Variants in CCDC138 observed in about 807,000 individuals in gnomAD.
CCDC138 encodes coiled-coil domain containing 138.
In CCDC138, 66 loss-of-function variants were observed where a neutral mutation model predicts 82.3. The observed-to-expected ratio is 0.80, with a 90% CI of 0.66 to 0.98. The LOEUF (loss-of-function observed/expected upper bound fraction) is 0.98, where lower values mean the gene tolerates loss of function less well. Among genes scored for constraint, CCDC138 ranks in the 50% least tolerant of loss-of-function variants. The pLI is 0.00. For missense variants in CCDC138, 816 were observed against 758.9 expected, an observed-to-expected ratio of 1.08 and a Z score of -0.88; for synonymous variants, 297 against 265.4, an observed-to-expected ratio of 1.12 and a Z score of -1.16.
At chr2:108,815,461 GT>G (rs35206784) in intron 9 of CCDC138, among the ~76,000 whole-genome samples, 2,451 of 70,728 alleles carry the variant, frequency 0.035, 15 homozygotes, top group African/African-American at 0.1. Context: ...GGTTTTTGGT[GT>G]TTTTTTTTTT....
chr2:108,795,763 G>C (rs1363241617), intron 5 of CCDC138, among the ~76,000 whole-genome samples: 1 of 152,132 alleles, frequency 6.6e-6, no homozygotes, highest in East Asian at 1.9e-4. Context: ...GAAATGAGAG[G>C]TGTTCTGAAA....
intron 13 of CCDC138, among the ~76,000 whole-genome samples, chr2:108,860,935 C>CT (rs70956282): frequency 0.11 from 4,296 of 37,700 alleles, 781 homozygotes; most frequent in African/African-American, 0.3. Context: ...TGGTCCAGGA[C>CT]TTTTTTTTTT....
chr2:108,840,871 G>A (rs547940108), intron 11 of CCDC138, among the ~76,000 whole-genome samples: 116 of 151,472 alleles, frequency 7.7e-4, no homozygotes, highest in Non-Finnish European at 1.4e-3. Context: ...GAATTCACTG[G>A]CACAGTCTCG....
chr2:108,858,042 TC>T (rs1692910816), intron 13 of CCDC138, among the ~76,000 whole-genome samples: 1 of 152,204 alleles, frequency 6.6e-6, no homozygotes, highest in African/African-American at 2.4e-5. Context: ...TTTACCATTG[TC>T]CAGGTTACTC....
At chr2:108,884,026 T>A (rs1327131932) in intron 2 of CCDC138, 1 of 152,240 alleles carries the variant, frequency 6.6e-6, no homozygotes, top group East Asian at 1.9e-4. Flanking sequence ...ACCTTAGCCA[T>A]CTCAGTAGCT....
chr2:108,820,677 G>A (rs1031257078), intron 10 of CCDC138, among the ~76,000 whole-genome samples: 2 of 147,820 alleles, frequency 1.4e-5, no homozygotes, highest in African/African-American at 5.0e-5. Flanking sequence ...CCAACAGGCA[G>A]TGGGATGATA....
At chr2:108,878,567 G>A (rs538248818), downstream of CCDC138, 5 of 196,788 alleles carry the variant, frequency 2.5e-5, no homozygotes, top group South Asian at 4.0e-4. Flanking sequence ...AGTCAGATAT[G>A]TTTTATCGGG....
intron 5 of CCDC138, among the ~76,000 whole-genome samples, chr2:108,798,034 A>C (rs977513196): frequency 6.6e-6 from 1 of 151,172 alleles, no homozygotes; most frequent in Non-Finnish European, 1.5e-5. Context: ...CAGTGTGCTA[A>C]TCTAGACCTC....
intron 1 of CCDC138, 125 bp from the exon 2 acceptor site, chr2:108,787,907 A>G (rs941311366): frequency 1.9e-4 from 150 of 806,912 alleles, no homozygotes; most frequent in Non-Finnish European, 2.6e-4. Flanking sequence ...TCACTTGGTT[A>G]AGATGGTGTC....
intron 10 of CCDC138, among the ~76,000 whole-genome samples, chr2:108,833,378 A>G (rs747057357): frequency 9.2e-5 from 14 of 152,236 alleles, no homozygotes; most frequent in Non-Finnish European, 1.9e-4. Flanking sequence ...CTTCCTGCTC[A>G]GTACACTCAG....
chr2:108,867,796 C>T (rs1694646148), intron 13 of CCDC138, among the ~76,000 whole-genome samples: 2 of 152,100 alleles, frequency 1.3e-5, no homozygotes, highest in Admixed American at 6.5e-5. Context: ...TTGAATGTTG[C>T]TGTGTTATGT....
At chr2:108,871,548 G>A (rs1160841688) in intron 13 of CCDC138, among the ~76,000 whole-genome samples, 5 of 151,768 alleles carry the variant, frequency 3.3e-5, no homozygotes, top group Non-Finnish European at 5.9e-5. Flanking sequence ...CAAGACTTTA[G>A]CTCCAAAAAA....
At chr2:108,872,240 C>T (rs1047793489) in intron 13 of CCDC138, among the ~76,000 whole-genome samples, 2 of 152,172 alleles carry the variant, frequency 1.3e-5, no homozygotes, top group Non-Finnish European at 2.9e-5. Context: ...CTCCTCCCCC[C>T]ACCATAGCAT....
chr2:108,883,038 C>G (rs919628617), intron 2 of CCDC138: 1 of 152,192 alleles, frequency 6.6e-6, no homozygotes, highest in Admixed American at 6.5e-5. Flanking sequence ...AGATTAAACA[C>G]TGAATTCAGC....
At chr2:108,806,491 T>C (rs1163827290) in intron 7 of CCDC138, among the ~76,000 whole-genome samples, 2 of 152,204 alleles carry the variant, frequency 1.3e-5, no homozygotes, top group African/African-American at 4.8e-5. Context: ...GTTTCTGTGT[T>C]AAGATTAGAT....
chr2:108,808,621 C>G (rs1352104745), intron 7 of CCDC138, among the ~76,000 whole-genome samples: 2 of 152,118 alleles, frequency 1.3e-5, no homozygotes, highest in African/African-American at 4.8e-5. Context: ...TGATATTGAG[C>G]ATTTTTTCAT....
intron 12 of CCDC138, among the ~76,000 whole-genome samples, chr2:108,854,357 C>T (rs969963870): frequency 6.6e-6 from 1 of 151,580 alleles, no homozygotes; most frequent in African/African-American, 2.4e-5. Flanking sequence ...TGAATCTTAG[C>T]TTCACTACTA....
At chr2:108,832,539 G>A (rs1211800756) in intron 10 of CCDC138, among the ~76,000 whole-genome samples, 2 of 152,026 alleles carry the variant, frequency 1.3e-5, no homozygotes, top group African/African-American at 4.8e-5. Flanking sequence ...TAGAGACGGG[G>A]TTTCTCCTTG....
chr2:108,844,033 T>G (rs1322365672), intron 11 of CCDC138, among the ~76,000 whole-genome samples: 1 of 151,604 alleles, frequency 6.6e-6, no homozygotes, highest in Non-Finnish European at 1.5e-5. Context: ...GGTTAATTTT[T>G]TTTTGTTTTG....
Sources: gnomAD v4.1 joint callset for allele counts (sites outside exome capture counted in the v4.1 genomes callset) on GRCh38, gnomAD v4.1.1 for gene constraint, MANE v1.5 for transcripts, NCBI Gene and HGNC (gene_info 2026-07-23, HGNC 2026-07-21) for gene names.